TAF1A: variants seen among roughly 807,000 people sequenced by gnomAD.
TAF1A encodes TATA-box binding protein associated factor, RNA polymerase I subunit A.
A neutral mutation model predicts 61.6 loss-of-function variants in TAF1A; 42 were observed. That is an observed-to-expected ratio of 0.68 (90% CI 0.53 to 0.88). The LOEUF is 0.88. Among genes scored for constraint, TAF1A ranks in the 40% least tolerant of loss-of-function variants. TAF1A has a pLI of 0.00. For missense variants in TAF1A, 424 were observed against 518.7 expected (o/e 0.82, Z 1.77); for synonymous variants, 179 against 177.7 (o/e 1.01, Z -0.06).
chr1:222,569,988 T>C (rs1389358977), intron 6 of TAF1A, among the ~76,000 whole-genome samples: 2 of 152,200 alleles, frequency 1.3e-5, no homozygotes, highest in Non-Finnish European at 2.9e-5. Context: ...CCTGTTCCCA[T>C]CCTTACACAG....
chr1:222,577,284 T>A (rs113017227), intron 5 of TAF1A, among the ~76,000 whole-genome samples, 161 bp downstream of exon 5: 1 of 152,222 alleles, frequency 6.6e-6, no homozygotes, highest in African/African-American at 2.4e-5. Flanking sequence ...AAGCTTTTTA[T>A]ATATCAGAAA....
chr1:222,561,046 C>T (rs1180495368), intron 10 of TAF1A, among the ~76,000 whole-genome samples: 1 of 152,104 alleles, frequency 6.6e-6, no homozygotes, highest in Non-Finnish European at 1.5e-5. Context: ...TATTTTGACA[C>T]TTGAAAATCT....
chr1:222,571,330 A>G (rs937295628), intron 5 of TAF1A, among the ~76,000 whole-genome samples: 1 of 152,170 alleles, frequency 6.6e-6, no homozygotes, highest in African/African-American at 2.4e-5. Flanking sequence ...TAATAAGACA[A>G]AAATGTCTTT....
chr1:222,584,629 T>C (rs940798716), intron 2 of TAF1A, among the ~76,000 whole-genome samples: 1 of 152,198 alleles, frequency 6.6e-6, no homozygotes, highest in Non-Finnish European at 1.5e-5. Flanking sequence ...CCCAGGTATT[T>C]AGAATGGGTA....
At chr1:222,587,708 C>T (rs1354512232) in intron 2 of TAF1A, among the ~76,000 whole-genome samples, 1 of 151,758 alleles carries the variant, frequency 6.6e-6, no homozygotes, top group African/African-American at 2.4e-5. Context: ...AAATTTTATC[C>T]CATAGAAAAT....
In TAF1A at chr1:222,573,644, C is replaced by T. The variant is rs1909192; in HGVS notation, c.605-2979G>A. ...TGGAGAAATTTGTACCCTCATACAC[C>T]GCTACTGGGGATGTAAAATAGTGCA... On this transcript the variant is annotated intron_variant, in intron 5 of 10. Coordinates refer to ENST00000352967, the MANE Select transcript of TAF1A (RefSeq NM_005681.4). Among the ~76,000 whole-genome samples the T allele has an allele frequency of 4.6e-5, 7 of 151,914 alleles. No individual in the cohort carries two copies. In the South Asian group the frequency reaches 1.0e-3, roughly 23 times the overall value.
At chr1:222,555,805 T>C (rs1364449311), downstream of TAF1A, among the ~76,000 whole-genome samples, 1 of 152,194 alleles carries the variant, frequency 6.6e-6, no homozygotes, top group Non-Finnish European at 1.5e-5. Flanking sequence ...AGAATGTATA[T>C]CAAAACATCA....
At chr1:222,563,810 C>T (rs1045869155) in intron 8 of TAF1A, among the ~76,000 whole-genome samples, 4 of 152,160 alleles carry the variant, frequency 2.6e-5, no homozygotes, top group African/African-American at 4.8e-5. Context: ...AGTAGGCAAA[C>T]TTTTTCTATA....
chr1:222,569,109 GA>G, intron 7 of TAF1A: 1 of 363,816 alleles, frequency 2.7e-6, no homozygotes, highest in South Asian at 5.2e-5. Context: ...AAAGGGAAAT[GA>G]AAGGCATTCT....
intron 7 of TAF1A, chr1:222,569,066 C>A: frequency 4.8e-6 from 1 of 207,118 alleles, no homozygotes; most frequent in Non-Finnish European, 9.6e-6. Context: ...CAGTGATTGT[C>A]TGGGGCCATG....
rs368604133 is a variant in TAF1A at position 222,564,151 on chromosome 1, C to T, written c.895-26G>A. On this transcript the variant is annotated intron_variant, in intron 7 of 10. Coordinates refer to ENST00000352967, the MANE Select transcript of TAF1A (RefSeq NM_005681.4). Reference sequence around the variant, plus strand: ...CTGAAAGAAAGAACAGTCTTGTAATCTTTACATACTTGTAAAAGCATTTCT... The same window carrying T: ...CTGAAAGAAAGAACAGTCTTGTAATTTTTACATACTTGTAAAAGCATTTCT... The T allele has an allele frequency of 1.1e-4, 151 of 1,393,866 alleles. 1 individual carries two copies. Among genetic ancestry groups the T allele is most frequent in the Non-Finnish European group, 1.4e-4 (139 of 1,004,146 alleles). 86.3% of individuals were successfully genotyped at this position (1,393,866 alleles called of 1,614,324 possible). A position where few individuals can be genotyped will look rare whatever the true frequency, so the allele number is the denominator to read the frequency against.
intron 5 of TAF1A, among the ~76,000 whole-genome samples, chr1:222,572,218 C>CAAAAA (rs1172947422): frequency 1.2e-5 from 1 of 86,660 alleles, no homozygotes; most frequent in Non-Finnish European, 2.5e-5. Context: ...GACTCAGTCT[C>CAAAAA]AAAAAAAAAA....
At chr1:222,580,426 G>A (rs960264826) in intron 3 of TAF1A, among the ~76,000 whole-genome samples, 2 of 152,116 alleles carry the variant, frequency 1.3e-5, no homozygotes, top group African/African-American at 4.8e-5. Context: ...AACTTTGGCG[G>A]CAGAACTTGG....
At chr1:222,555,110 T>G (rs966570032), downstream of TAF1A, among the ~76,000 whole-genome samples, 4 of 152,122 alleles carry the variant, frequency 2.6e-5, no homozygotes, top group Non-Finnish European at 5.9e-5. Flanking sequence ...TCACACCTGG[T>G]AGAATGAATC....
intron 10 of TAF1A, 60 bp downstream of exon 10, chr1:222,561,304 C>G (rs915165179): frequency 6.5e-7 from 1 of 1,534,036 alleles, no homozygotes; most frequent in Non-Finnish European, 8.8e-7. Context: ...GAAGGCCATA[C>G]TTCATAATTT....
At chr1:222,561,568 A>G (rs746748378) in intron 9 of TAF1A, 50 bp from the exon 10 acceptor site, 6 of 1,509,822 alleles carry the variant, frequency 4.0e-6, no homozygotes, top group Non-Finnish European at 5.3e-6. Context: ...AAACAAATCT[A>G]TATTATCAGA....
In TAF1A at chr1:222,584,268, C is replaced by A; in HGVS notation, c.151G>T (p.Ala51Ser). ...CTTAAACAAGCACTTGTTGTCTGAGCAAAATCCTTCCTCCTTTTCCCTCCA... is the reference window on the plus strand; with the variant it reads ...CTTAAACAAGCACTTGTTGTCTGAGAAAAATCCTTCCTCCTTTTCCCTCCA... ...AIGGKRRKDF[A>S]QTTSACLSFI... is the part of the protein sequence containing the mutation. Residue 51 changes from alanine (A) to serine (S), a missense_variant, in exon 3 of 11, where the codon GCT (alanine) becomes TCT (serine). Coordinates refer to ENST00000352967, the MANE Select transcript of TAF1A (RefSeq NM_005681.4). The A allele has an allele frequency of 6.2e-7, 1 of 1,606,580 alleles. No homozygotes were observed. Among genetic ancestry groups the A allele is most frequent in the Non-Finnish European group, 8.5e-7 (1 of 1,178,184 alleles).
At chr1:222,554,405 G>A (rs1659704975), downstream of TAF1A, among the ~76,000 whole-genome samples, 1 of 152,174 alleles carries the variant, frequency 6.6e-6, no homozygotes, top group African/African-American at 2.4e-5. Flanking sequence ...TGGCAGATTG[G>A]TTTAGAAGCA....
At chr1:222,554,717 C>T (rs959829009), downstream of TAF1A, among the ~76,000 whole-genome samples, 2 of 152,100 alleles carry the variant, frequency 1.3e-5, no homozygotes, top group African/African-American at 4.8e-5. Flanking sequence ...CCTTTCCAGA[C>T]CATCCCATTT....
Sources: allele counts gnomAD v4.1 joint callset (sites outside exome capture counted in the v4.1 genomes callset), GRCh38; gene constraint gnomAD v4.1.1; transcripts MANE v1.5; gene names NCBI Gene and HGNC (gene_info 2026-07-23, HGNC 2026-07-21).